Variants in ZFYVE1 observed in about 807,000 individuals in gnomAD.
The protein encoded by ZFYVE1 is zinc finger FYVE-type containing 1, also known as zinc finger FYVE domain-containing protein 1.
A neutral mutation model predicts 74.4 loss-of-function variants in ZFYVE1; 30 were observed. That is an observed-to-expected ratio of 0.40 (90% confidence interval 0.30 to 0.55). The LOEUF is 0.55. Among genes scored for constraint, ZFYVE1 ranks in the 20% least tolerant of loss-of-function variants. The pLI is 0.42. For missense variants in ZFYVE1, 703 were observed against 1,011.6 expected (o/e 0.69, Z 4.14); for synonymous variants, 335 against 385.1 (o/e 0.87, Z 1.52).
At chr14:72,986,868 T>C in intron 4 of ZFYVE1, 1 of 985,138 alleles carries the variant, frequency 1.0e-6, no homozygotes, top group Non-Finnish European at 1.2e-6. Flanking sequence ...CATATACTTA[T>C]TAGCAGGTTC....
chr14:73,018,708 C>T (rs1197788218), intron 2 of ZFYVE1, among the ~76,000 whole-genome samples: 1 of 152,022 alleles, frequency 6.6e-6, no homozygotes, highest in Admixed American at 6.6e-5. Flanking sequence ...CTTTGGGAGG[C>T]CAAGGTGGGC....
chr14:73,010,303 T>TA lies in ZFYVE1; in HGVS notation c.484-11989dup, dbSNP rs541659527. Among the ~76,000 whole-genome samples the TA allele has an allele frequency of 3.7e-4, 57 of 152,096 alleles. No homozygotes were observed. The South Asian group carries it at 0.011, about 30-fold the overall frequency. ...CATCATGGTGAAACCCTGTCTCTAC[T>TA]AAAAATACAAAAAATTGGCCAGGTG... On this transcript the variant is annotated intron_variant, in intron 2 of 11. Coordinates refer to ENST00000556143, the MANE Select transcript of ZFYVE1 (RefSeq NM_021260.4).
At chr14:72,983,154 G>A (rs61986497) in intron 4 of ZFYVE1, among the ~76,000 whole-genome samples, 8,573 of 151,754 alleles carry the variant, frequency 0.056, 326 homozygotes, top group Non-Finnish European at 0.089. Context: ...TGAACAATTA[G>A]AACTTCTTAT....
intron 2 of ZFYVE1, among the ~76,000 whole-genome samples, chr14:73,000,447 A>G (rs1013394832): frequency 6.6e-6 from 1 of 152,050 alleles, no homozygotes; most frequent in Admixed American, 6.6e-5. Context: ...TATAAAAAAA[A>G]TTAAAAATTA....
chr14:72,975,795 G>T lies in ZFYVE1; in HGVS notation c.1636-74C>A. The T allele has an allele frequency of 1.3e-6, 2 of 1,564,768 alleles. No homozygotes were observed. Among genetic ancestry groups the T allele is most frequent in the South Asian group, 1.2e-5 (1 of 82,334 alleles). ...GGAAGGAGGAAGAGGGATGTTTGGT[G>T]AGTTGCACACTCACCGTGGCCAACT... is the stretch of plus-strand genomic sequence containing the variant. On this transcript the variant is annotated intron_variant, in intron 8 of 11. Coordinates refer to ENST00000556143, the MANE Select transcript of ZFYVE1 (RefSeq NM_021260.4). This position sits in a 1 kb window ranked among gnomAD's most constrained non-coding sequence, Gnocchi z 4.1.
In ZFYVE1 at chr14:72,974,859, C is replaced by T. The variant is rs1893127234; in HGVS notation, c.1907G>A (p.Arg636Gln). The T allele has an allele frequency of 4.3e-6, 7 of 1,614,076 alleles. No homozygotes were observed. Among genetic ancestry groups the T allele is most frequent in the Non-Finnish European group, 3.4e-6 (4 of 1,179,986 alleles). ...GFCDSCSSKT[R>Q]PVPERGWGPA... is the part of the protein sequence containing the mutation. ...GCCCCAGCCCCGCTCAGGCACTGGC[C>T]GAGTCTTTGATGAACAGCTGTCACA... The change falls in exon 10 of 12, where the codon CGG (arginine) becomes CAG (glutamine). Residue 636 changes from arginine (R) to glutamine (Q), a missense_variant. Arg to Gln is a conservative substitution (Grantham distance 43, BLOSUM62 1). Around this residue, in one of 2 missense-constraint regions of ZFYVE1, gnomAD observed 492 missense variants for 790.0 expected, o/e 0.62. Transcript: ENST00000556143.
rs754480867 is a variant in ZFYVE1, at chr14:72,998,148, G to A, written c.651C>T (p.Cys217=). The A allele has an allele frequency of 3.7e-6, 6 of 1,614,060 alleles. No individual in the cohort carries two copies. Among genetic ancestry groups the A allele is most frequent in the Non-Finnish European group, 5.1e-6 (6 of 1,180,004 alleles). Residue 217 remains cysteine (C), a synonymous_variant, in exon 3 of 12, where the codon TGC becomes TGT. Coordinates refer to ENST00000556143, the MANE Select transcript of ZFYVE1 (RefSeq NM_021260.4). The part of the protein sequence containing the change: ...VFKTSPTQES[C]TVGVWAAYDP... ...CATAGGCTGCCCACACTCCCACAGT[G>A]CAGGACTCCTGGGTCGGGGAGGTTT...
chr14:72,992,233 A>G (rs544762908), intron 4 of ZFYVE1, among the ~76,000 whole-genome samples: 2 of 152,150 alleles, frequency 1.3e-5, no homozygotes, highest in East Asian at 3.9e-4. Context: ...TAAAGAAAGA[A>G]AAAACAGGAC....
At chr14:73,012,773 G>A (rs1210430629) in intron 2 of ZFYVE1, among the ~76,000 whole-genome samples, 4 of 152,024 alleles carry the variant, frequency 2.6e-5, no homozygotes, top group Admixed American at 6.6e-5. Context: ...AGATATTACC[G>A]AAACTCAGAA....
intron 11 of ZFYVE1, among the ~76,000 whole-genome samples, chr14:72,972,269 C>T (rs1798742213): frequency 6.6e-6 from 1 of 152,080 alleles, no homozygotes; most frequent in African/African-American, 2.4e-5. Context: ...TAACAACCCA[C>T]CTTCAAGAAC....
At chr14:72,997,050 T>G (rs963578400) in intron 3 of ZFYVE1, among the ~76,000 whole-genome samples, 6 of 152,106 alleles carry the variant, frequency 3.9e-5, no homozygotes, top group African/African-American at 1.4e-4. Flanking sequence ...CATGTCCACA[T>G]CCATCTTCTT....
rs57153409 is a variant in ZFYVE1, at chr14:72,991,183, A to ATT, written c.1203+1958_1203+1959dup. Among the ~76,000 whole-genome samples the ATT allele has an allele frequency of 5.3e-3, 445 of 83,524 alleles. 1 individual carries two copies. The highest frequency in any genetic ancestry group is 0.02 in the Middle Eastern group (2 of 102). 54.8% of individuals were successfully genotyped at this position (83,524 alleles called of 152,430 possible). A position where few individuals can be genotyped will look rare whatever the true frequency, so the allele number is the denominator to read the frequency against. On this transcript the variant is annotated intron_variant, in intron 4 of 11. Coordinates refer to ENST00000556143, the MANE Select transcript of ZFYVE1 (RefSeq NM_021260.4). ...TACAGTGCTCAGTGTCCCTGATGGT[A>ATT]TTTTTTTTTTTTTTTTTTTTTTTTG... is the stretch of plus-strand genomic sequence containing the variant.
chr14:73,020,836 G>A (rs1310320345), intron 2 of ZFYVE1, among the ~76,000 whole-genome samples: 6 of 152,148 alleles, frequency 3.9e-5, no homozygotes, highest in South Asian at 2.1e-4. Flanking sequence ...TTAGCAGGGC[G>A]TGGTGGCAGG....
rs760973447 is a variant in ZFYVE1, at chr14:73,024,349, G to C, written c.160C>G (p.Arg54Gly). 7.4e-6 allele frequency: 12 copies of C among 1,614,040 alleles called. No homozygotes were observed. Among genetic ancestry groups the C allele is most frequent in the Non-Finnish European group, 8.5e-6 (10 of 1,179,996 alleles). The change falls in exon 2 of 12, where the codon CGC becomes GGC. Residue 54 changes from arginine to glycine, a missense_variant. This residue lies in a region of ZFYVE1 where 211 missense variants were observed against 221.7 expected (regional missense o/e 0.95). Coordinates refer to ENST00000556143, the MANE Select transcript of ZFYVE1 (RefSeq NM_021260.4). The stretch of plus-strand genomic sequence containing the variant: ...CTTATCCGCTCATGGTTTCTCAGGC[G>C]CTCCTGCCGATGGAGCTCCTCCTCG... ...RCEEELHRQE[R>G]LRNHERIRLK...
chr14:72,994,014 A>C (rs1893685511), intron 3 of ZFYVE1, among the ~76,000 whole-genome samples: 1 of 108,244 alleles, frequency 9.2e-6, no homozygotes, highest in Non-Finnish European at 1.7e-5. Flanking sequence ...ATTCCGTCTC[A>C]AAAAAAAAAA....
At chr14:72,990,381 A>G (rs1448538396) in intron 4 of ZFYVE1, among the ~76,000 whole-genome samples, 1 of 151,196 alleles carries the variant, frequency 6.6e-6, no homozygotes, top group East Asian at 1.9e-4. Flanking sequence ...GAATCATCAG[A>G]ATTCCAGCTG....
intron 8 of ZFYVE1, among the ~76,000 whole-genome samples, chr14:72,976,782 C>CAA (rs61560948): frequency 7.9e-5 from 6 of 76,234 alleles, no homozygotes; most frequent in Non-Finnish European, 1.1e-4. Flanking sequence ...GACTCCATCT[C>CAA]AAAAAAAAAA....
At chr14:73,001,927 G>A (rs1228819497) in intron 2 of ZFYVE1, among the ~76,000 whole-genome samples, 1 of 151,588 alleles carries the variant, frequency 6.6e-6, no homozygotes, top group African/African-American at 2.4e-5. Flanking sequence ...CAGCCTGGGC[G>A]ACAAAGCGAG....
chr14:72,989,742 G>A (rs890158924), intron 4 of ZFYVE1, among the ~76,000 whole-genome samples: 1 of 151,736 alleles, frequency 6.6e-6, no homozygotes, highest in African/African-American at 2.4e-5. Flanking sequence ...GGAGTACAGT[G>A]AGCTGTGATC....
Sources: allele counts gnomAD v4.1 joint callset (sites outside exome capture counted in the v4.1 genomes callset), GRCh38; gene constraint gnomAD v4.1.1; regional missense constraint gnomAD v4.1.1; non-coding constraint Gnocchi (gnomAD v3.1); transcripts MANE v1.5; gene names NCBI Gene and HGNC (gene_info 2026-07-23, HGNC 2026-07-21).